Variants in ARMC8 observed in about 807,000 individuals in gnomAD.
The protein encoded by ARMC8 is armadillo repeat-containing protein 8.
Under a neutral mutation model 99.3 loss-of-function variants are expected in ARMC8, and 20 were observed. The observed-to-expected ratio is 0.20, with a 90% CI of 0.14 to 0.29. The LOEUF (loss-of-function observed/expected upper bound fraction) is 0.29, where lower values mean the gene tolerates loss of function less well. Among genes scored for constraint, ARMC8 ranks in the 10% least tolerant of loss-of-function variants. The probability of loss-of-function intolerance (pLI) is 1.00; values close to 1 mark genes in which losing one functional copy is unlikely to be tolerated. For synonymous variants in ARMC8, 263 were observed against 278.3 expected (o/e 0.95, Z 0.55); for missense variants, 569 against 809.5 (o/e 0.70, Z 3.60).
At chr3:138,191,170 A>G (rs2043361324) in intron 1 of ARMC8, among the ~76,000 whole-genome samples, 1 of 152,196 alleles carries the variant, frequency 6.6e-6, no homozygotes, top group Non-Finnish European at 1.5e-5. Context: ...TGCAAATCCT[A>G]GGTACTCAGT....
intron 14 of ARMC8, among the ~76,000 whole-genome samples, chr3:138,266,730 G>A (rs756438907): frequency 6.6e-6 from 1 of 152,122 alleles, no homozygotes; most frequent in Non-Finnish European, 1.5e-5. Context: ...TGATTCGTCA[G>A]TGCTCCTGGT....
At chr3:138,295,097 C>G (rs764689115) in intron 21 of ARMC8, among the ~76,000 whole-genome samples, 8 of 152,068 alleles carry the variant, frequency 5.3e-5, no homozygotes, top group Non-Finnish European at 1.0e-4. Context: ...CAGGGTTTCA[C>G]CGTGTTGGCC....
intron 1 of ARMC8, chr3:138,188,480 A>G (rs1576548801): frequency 6.2e-7 from 1 of 1,613,382 alleles, no homozygotes. Flanking sequence ...TTACTGGGAG[A>G]TAACTTCGAA....
At chr3:138,188,350 CGTATT>C (rs765581714) in intron 1 of ARMC8, 4 of 1,356,030 alleles carry the variant, frequency 2.9e-6, no homozygotes, top group Non-Finnish European at 2.9e-6. Flanking sequence ...AAGAAGGGAA[CGTATT>C]GACATGCCAG....
At chr3:138,247,301 T>C (rs1177807229) in intron 12 of ARMC8, among the ~76,000 whole-genome samples, 2 of 145,594 alleles carry the variant, frequency 1.4e-5, no homozygotes, top group Non-Finnish European at 3.1e-5. Context: ...GTTTATTGTT[T>C]GATTTTTTTA....
intron 1 of ARMC8, among the ~76,000 whole-genome samples, chr3:138,188,938 G>A (rs1218610292): frequency 3.3e-5 from 5 of 152,012 alleles, no homozygotes; most frequent in Non-Finnish European, 5.9e-5. Context: ...GATCAGATTA[G>A]CCTGTTACTC....
chr3:138,212,075 GT>G (rs2044725991), intron 2 of ARMC8, among the ~76,000 whole-genome samples: 1 of 152,002 alleles, frequency 6.6e-6, no homozygotes, highest in East Asian at 1.9e-4. Context: ...ACTAAAATCT[GT>G]TTATAGTTTA....
chr3:138,287,595 C>T (rs2050554417), intron 19 of ARMC8: 3 of 456,026 alleles, frequency 6.6e-6, no homozygotes, highest in Non-Finnish European at 4.4e-6. Flanking sequence ...TTGTCTGAGG[C>T]TGGGAGCAGA....
intron 21 of ARMC8, among the ~76,000 whole-genome samples, chr3:138,292,263 CT>C (rs2051029085): frequency 6.6e-6 from 1 of 152,228 alleles, no homozygotes; most frequent in South Asian, 2.1e-4. Context: ...TGGTCTCAAA[CT>C]TCTGACCTCA....
chr3:138,261,014 G>C (rs2047690636), intron 12 of ARMC8, among the ~76,000 whole-genome samples: 2 of 152,204 alleles, frequency 1.3e-5, no homozygotes. Context: ...TCCACTGCCT[G>C]AAACTTTTGC....
At chr3:138,256,535 C>T (rs1281273733) in intron 12 of ARMC8, among the ~76,000 whole-genome samples, 4 of 151,510 alleles carry the variant, frequency 2.6e-5, no homozygotes, top group African/African-American at 9.7e-5. Flanking sequence ...CTCAGCTTCC[C>T]GAGTAGCTGA....
At chr3:138,206,311 C>A (rs1383080592) in intron 1 of ARMC8, among the ~76,000 whole-genome samples, 2 of 152,124 alleles carry the variant, frequency 1.3e-5, no homozygotes, top group Non-Finnish European at 2.9e-5. Context: ...AATTCACTTC[C>A]TAGCCACATT....
chr3:138,187,828 C>A, intron 1 of ARMC8: 1 of 562,564 alleles, frequency 1.8e-6, no homozygotes, highest in South Asian at 2.2e-5. Flanking sequence ...GGTGCGGGTT[C>A]CCAGGATGGC....
chr3:138,269,376 T>C (rs2048567969), intron 15 of ARMC8, among the ~76,000 whole-genome samples: 1 of 152,194 alleles, frequency 6.6e-6, no homozygotes, highest in African/African-American at 2.4e-5. Context: ...CAAAAATTCA[T>C]GTTCAGTCAA....
intron 10 of ARMC8, among the ~76,000 whole-genome samples, 182 bp from the exon 11 acceptor site, chr3:138,241,601 T>C (rs562459699): frequency 6.6e-6 from 1 of 152,368 alleles, no homozygotes; most frequent in African/African-American, 2.4e-5. Flanking sequence ...AAATTATTAA[T>C]GTGTACTGAA....
At chr3:138,245,599 C>A in intron 12 of ARMC8, 1 of 1,006,314 alleles carries the variant, frequency 9.9e-7, no homozygotes, top group South Asian at 4.6e-5. Flanking sequence ...GTATATTGTT[C>A]TTTGATATGT....
intron 6 of ARMC8, among the ~76,000 whole-genome samples, chr3:138,234,260 C>T (rs1003361679): frequency 2.0e-5 from 3 of 151,978 alleles, no homozygotes; most frequent in South Asian, 2.1e-4. Context: ...TACAGGCATG[C>T]GCCACCAAAC....
At chr3:138,191,649 C>G (rs967147303) in intron 1 of ARMC8, among the ~76,000 whole-genome samples, 2 of 152,194 alleles carry the variant, frequency 1.3e-5, no homozygotes, top group African/African-American at 4.8e-5. Context: ...GTCCCACCTA[C>G]CCAGCCTCTC....
chr3:138,235,081 T>C lies in ARMC8; in HGVS notation c.576T>C (p.Asn192=), dbSNP rs749507559. ...TATTTAACCACGGTGCAGTTCAGAA[T>C]ATTGCTCACCTACTAACCTCACTGT... The part of the protein sequence containing the change: ...TILFNHGAVQ[N]IAHLLTSLSY... Residue 192 remains asparagine (N), a synonymous_variant, in exon 7 of 22, where the codon AAT becomes AAC. Transcript: ENST00000469044. 1 of 1,613,962 alleles carries C rather than the reference T, an allele frequency of 6.2e-7. No individual in the cohort carries two copies. Among genetic ancestry groups the C allele is most frequent in the Admixed American group, 1.7e-5 (1 of 60,026 alleles).
Sources: gnomAD v4.1 joint callset for allele counts (sites outside exome capture counted in the v4.1 genomes callset) on GRCh38, gnomAD v4.1.1 for gene constraint, MANE v1.5 for transcripts, NCBI Gene and HGNC (gene_info 2026-07-23, HGNC 2026-07-21) for gene names.